Variants in GLB1 observed in about 807,000 individuals in gnomAD.
GLB1 encodes beta-galactosidase.
GLB1 carries 56 observed loss-of-function variants against 74.0 expected under a neutral mutation model. The observed-to-expected ratio is 0.76, with a 90% CI of 0.61 to 0.94. The LOEUF (loss-of-function observed/expected upper bound fraction) is 0.94, where lower values mean the gene tolerates loss of function less well. Among genes scored for constraint, GLB1 ranks in the 40% least tolerant of loss-of-function variants. The pLI is 0.00. For synonymous variants in GLB1, 323 were observed against 323.6 expected (o/e 1.00, Z 0.02); for missense variants, 787 against 845.5 (o/e 0.93, Z 0.86).
chr3:33,058,337 G>A, intron 5 of GLB1, 68 bp from the exon 6 acceptor site: 1 of 1,599,986 alleles, frequency 6.3e-7, no homozygotes, highest in Non-Finnish European at 8.5e-7. Flanking sequence ...GCAAGCTTTT[G>A]TGTGGGAAAA....
intron 2 of GLB1, among the ~76,000 whole-genome samples, chr3:33,071,307 A>C (rs1329076370): frequency 1.3e-5 from 2 of 152,180 alleles, no homozygotes; most frequent in South Asian, 2.1e-4. Context: ...CATTCTCCCT[A>C]AGTATCTATC....
At chr3:33,051,578 C>T (rs887641566) in intron 9 of GLB1, among the ~76,000 whole-genome samples, 180 bp downstream of exon 9, 7 of 132,756 alleles carry the variant, frequency 5.3e-5, no homozygotes, top group Admixed American at 4.2e-4. Context: ...GCACTCCAGC[C>T]TGGGTGACAG....
chr3:33,092,989 C>A, intron 1 of GLB1: 1 of 1,614,210 alleles, frequency 6.2e-7, no homozygotes, highest in Non-Finnish European at 8.5e-7. Flanking sequence ...AGATAGGCTG[C>A]TACGTTCAAG....
At chr3:32,995,505 T>C (rs1379912526), downstream of GLB1, among the ~76,000 whole-genome samples, 1 of 151,906 alleles carries the variant, frequency 6.6e-6, no homozygotes, top group Non-Finnish European at 1.5e-5. Flanking sequence ...CTTAACTAAG[T>C]TCCAGTGTTT....
intron 10 of GLB1, among the ~76,000 whole-genome samples, chr3:33,024,805 C>T (rs1018152822): frequency 6.6e-6 from 1 of 152,124 alleles, no homozygotes; most frequent in African/African-American, 2.4e-5. Flanking sequence ...AGGTAAAGGC[C>T]GTGATGTATG....
chr3:32,985,085 A>T, the GLB1 span, among the ~76,000 whole-genome samples: 1 of 143,412 alleles, frequency 7.0e-6, no homozygotes, highest in African/African-American at 2.6e-5. Flanking sequence ...AGCCTGGGTG[A>T]CGGAGTGAAA....
intron 4 of GLB1, among the ~76,000 whole-genome samples, chr3:33,066,409 AGCCCCCTCACCATGTGATGCCCTGT>A (rs1699685240): frequency 6.6e-6 from 1 of 152,198 alleles, no homozygotes; most frequent in Non-Finnish European, 1.5e-5. Context: ...TAGGACACTC[AGCCCCCTCACCATGTGATGCCCTGT>A]GCCCCCTCAG....
intron 15 of GLB1, 133 bp downstream of exon 15, chr3:33,013,923 T>C: frequency 6.6e-7 from 1 of 1,515,632 alleles, no homozygotes. Context: ...ATCCGCCTCC[T>C]GAAGAATGTC....
intron 15 of GLB1, among the ~76,000 whole-genome samples, chr3:33,010,300 T>G (rs1575406489): frequency 6.6e-6 from 1 of 152,228 alleles, no homozygotes; most frequent in Non-Finnish European, 1.5e-5. Context: ...TGAAGTAGTA[T>G]TTCATTTTGG....
In GLB1 at chr3:33,014,188, G is replaced by GTGGC. The variant is rs1304277420; in HGVS notation, c.1598_1601dup (p.His534GlnfsTer4). 1 of 1,614,170 alleles carries GTGGC rather than the reference G, an allele frequency of 6.2e-7. No homozygotes were observed. The highest frequency in any genetic ancestry group is 8.5e-7 in the Non-Finnish European group (1 of 1,180,034). The stretch of plus-strand genomic sequence containing the variant: ...AGTTGTGGGCCCAGGCTTCATCATG[G>GTGGC]TGGCCACTGTCACGGTGTCCCCAGC... On this transcript the variant is annotated frameshift_variant, in exon 15 of 16. Transcript: ENST00000307363. LOFTEE classifies it high-confidence loss of function.
chr3:33,019,724 A>G (rs1697391524), intron 12 of GLB1, among the ~76,000 whole-genome samples: 1 of 152,138 alleles, frequency 6.6e-6, no homozygotes, highest in Admixed American at 6.5e-5. Flanking sequence ...TAAAGTGGTA[A>G]GTTTCCTCAA....
exon 1 of GLB1, chr3:33,097,142 TGACTAAG>T (rs1701070718): frequency 6.3e-7 from 1 of 1,597,722 alleles, no homozygotes; most frequent in South Asian, 1.1e-5. Context: ...TCGCGTCACT[TGACTAAG>T]GACCCACGGC....
chr3:33,055,353 T>G (rs1412072836), intron 6 of GLB1, among the ~76,000 whole-genome samples: 2 of 152,182 alleles, frequency 1.3e-5, no homozygotes, highest in Non-Finnish European at 2.9e-5. Flanking sequence ...ATCGCTGTGA[T>G]GAGAAGCCTG....
At chr3:33,090,297 G>T in intron 1 of GLB1, 1 of 660,250 alleles carries the variant, frequency 1.5e-6, no homozygotes, top group Non-Finnish European at 1.9e-6. Flanking sequence ...GGTGGGGCAG[G>T]GGTAGCTGAG....
intron 1 of GLB1, among the ~76,000 whole-genome samples, chr3:33,074,370 AAGG>A (rs1700015729): frequency 8.0e-6 from 1 of 124,618 alleles, no homozygotes; most frequent in African/African-American, 2.9e-5. Context: ...GGAAGGAAGG[AAGG>A]AAGGAAGGAA....
Position 33,051,818 on chromosome 3 carries a change from C to T in GLB1, c.915-20G>A, listed in dbSNP as rs1699003227. On this transcript the variant is annotated intron_variant, in intron 8 of 15. Coordinates refer to ENST00000307363, the MANE Select transcript of GLB1 (RefSeq NM_000404.4). ...ATGTACCTACAAGGAAACAAAAGAACACGGTACTTCACTGTGAGCCCATGG... is the reference window on the plus strand; with the variant it reads ...ATGTACCTACAAGGAAACAAAAGAATACGGTACTTCACTGTGAGCCCATGG... 1 of 1,614,016 alleles carries T rather than the reference C, an allele frequency of 6.2e-7. No homozygotes were observed. The highest frequency in any genetic ancestry group is 1.3e-5 in the African/African-American group (1 of 74,886).
At chr3:33,083,964 T>C (rs184138739) in intron 1 of GLB1, among the ~76,000 whole-genome samples, 1 of 152,210 alleles carries the variant, frequency 6.6e-6, no homozygotes, top group African/African-American at 2.4e-5. Flanking sequence ...ATTCCTTGAC[T>C]ACAGAAATAA....
At chr3:33,074,459 A>G (rs538725781) in intron 1 of GLB1, among the ~76,000 whole-genome samples, 4 of 152,238 alleles carry the variant, frequency 2.6e-5, no homozygotes, top group East Asian at 3.9e-4. Flanking sequence ...TTATATATAC[A>G]TATGTGGAGT....
intron 1 of GLB1, among the ~76,000 whole-genome samples, chr3:33,080,164 C>T (rs993794194): frequency 3.3e-5 from 5 of 151,898 alleles, no homozygotes; most frequent in Non-Finnish European, 7.4e-5. Flanking sequence ...AGTGCAATGG[C>T]ACAGTCTCAG....
Sources: allele counts gnomAD v4.1 joint callset (sites outside exome capture counted in the v4.1 genomes callset), GRCh38; gene constraint gnomAD v4.1.1; transcripts MANE v1.5; gene names NCBI Gene and HGNC (gene_info 2026-07-23, HGNC 2026-07-21).